CDKAL1: variants seen among roughly 807,000 people sequenced by gnomAD.
CDKAL1 encodes the protein CDKAL1 threonylcarbamoyladenosine tRNA methylthiotransferase.
CDKAL1 carries 32 observed loss-of-function variants against 68.2 expected under a neutral mutation model. The ratio of observed to expected loss-of-function variants is 0.47; its 90% confidence interval spans 0.35 to 0.63. CDKAL1 has a LOEUF of 0.63. CDKAL1 is among the 30% of genes least tolerant of loss of function. The pLI is 0.00. For synonymous variants in CDKAL1, 234 were observed against 244.3 expected, an observed-to-expected ratio of 0.96 and a Z score of 0.39; for missense variants, 606 against 696.7, an observed-to-expected ratio of 0.87 and a Z score of 1.47.
chr6:21,036,897 G>C (rs1218836265), intron 11 of CDKAL1, among the ~76,000 whole-genome samples: 2 of 152,194 alleles, frequency 1.3e-5, no homozygotes, highest in Non-Finnish European at 2.9e-5. Flanking sequence ...GACTGTTGGT[G>C]TTGGTCCTGA....
intron 4 of CDKAL1, among the ~76,000 whole-genome samples, chr6:20,602,581 T>C (rs1360620626): frequency 6.6e-6 from 1 of 152,224 alleles, no homozygotes; most frequent in African/African-American, 2.4e-5. Context: ...GAAAATGGCA[T>C]AATTATAGTC....
chr6:21,093,531 C>G (rs1773152353), intron 12 of CDKAL1, among the ~76,000 whole-genome samples: 1 of 151,962 alleles, frequency 6.6e-6, no homozygotes, highest in African/African-American at 2.4e-5. Context: ...ACAGATTGAA[C>G]CAGAATGTGC....
chr6:21,120,220 C>T (rs865785362), intron 13 of CDKAL1, among the ~76,000 whole-genome samples: 4 of 152,128 alleles, frequency 2.6e-5, no homozygotes, highest in African/African-American at 9.7e-5. Context: ...CCCGTCTCCC[C>T]GAAGACCTTG....
intron 4 of CDKAL1, among the ~76,000 whole-genome samples, chr6:20,589,421 A>T (rs1765502923): frequency 6.6e-6 from 1 of 152,220 alleles, no homozygotes; most frequent in South Asian, 2.1e-4. Context: ...TTTAGATGCA[A>T]TCGCTAGTCT....
chr6:20,855,340 A>G (rs1208667526), intron 9 of CDKAL1, among the ~76,000 whole-genome samples: 3 of 145,310 alleles, frequency 2.1e-5, no homozygotes, highest in African/African-American at 5.0e-5. Flanking sequence ...CTACTTGGGA[A>G]GCTGAGGCAG....
chr6:21,088,973 T>C (rs969638171), intron 12 of CDKAL1, among the ~76,000 whole-genome samples: 45 of 152,212 alleles, frequency 3.0e-4, no homozygotes, highest in African/African-American at 9.9e-4. Context: ...TAGTATGATA[T>C]AGACAATGTT....
chr6:20,661,986 T>G (rs35456723), intron 5 of CDKAL1, among the ~76,000 whole-genome samples: 3 of 151,940 alleles, frequency 2.0e-5, no homozygotes, highest in African/African-American at 7.3e-5. Flanking sequence ...AAAATCAACA[T>G]GATCTAAGTC....
At chr6:20,645,729 CAAATAAAT>C (rs200494660) in intron 4 of CDKAL1, among the ~76,000 whole-genome samples, 8 of 148,768 alleles carry the variant, frequency 5.4e-5, no homozygotes, top group East Asian at 2.0e-4. Context: ...GACTCTGTCT[CAAATAAAT>C]AAATAAATAA....
intron 7 of CDKAL1, among the ~76,000 whole-genome samples, chr6:20,766,786 T>G (rs1774722494): frequency 6.6e-6 from 1 of 152,156 alleles, no homozygotes; most frequent in Admixed American, 6.6e-5. Context: ...ATTCCCAGGG[T>G]TCTCGTTTCT....
chr6:20,620,738 A>G (rs1291179367), intron 4 of CDKAL1, among the ~76,000 whole-genome samples: 1 of 150,936 alleles, frequency 6.6e-6, no homozygotes, highest in East Asian at 1.9e-4. Flanking sequence ...TAATAGGTGC[A>G]TTTTTTTCTG....
intron 2 of CDKAL1, among the ~76,000 whole-genome samples, chr6:20,537,221 A>G (rs2328525): frequency 0.25 from 37,602 of 152,004 alleles, 5,607 homozygotes; most frequent in East Asian, 0.53. Flanking sequence ...AGGGATCTAT[A>G]GTGGAATTAC....
At chr6:20,875,436 C>A (rs975034252) in intron 9 of CDKAL1, among the ~76,000 whole-genome samples, 1 of 151,066 alleles carries the variant, frequency 6.6e-6, no homozygotes, top group Admixed American at 6.6e-5. Flanking sequence ...TCTTTGTAGA[C>A]CTTTGAATTG....
At position 20,652,572 on chromosome 6, in the gene CDKAL1, T is replaced by C. The variant is rs920262043; in HGVS notation, c.371+3195T>C. Among the ~76,000 whole-genome samples the C allele has an allele frequency of 3.7e-4, 57 of 152,350 alleles. 1 individual carries two copies. The highest frequency in any genetic ancestry group is 1.0e-3 in the African/African-American group (42 of 41,586). On this transcript the variant is annotated intron_variant, in intron 5 of 15. Coordinates refer to ENST00000274695, the MANE Select transcript of CDKAL1 (RefSeq NM_017774.3). The stretch of plus-strand genomic sequence containing the variant: ...CTCCAACTCCCCTGGAACCTTTTCA[T>C]TGGTATTTAAACATACCTGGGTCTA...
chr6:20,946,212 C>T (rs1764228632), intron 9 of CDKAL1, among the ~76,000 whole-genome samples: 1 of 152,186 alleles, frequency 6.6e-6, no homozygotes, highest in Non-Finnish European at 1.5e-5. Flanking sequence ...ACAATTCTTT[C>T]TCACCACGAA....
intron 9 of CDKAL1, among the ~76,000 whole-genome samples, chr6:20,887,501 C>A (rs1172165466): frequency 6.6e-6 from 1 of 151,176 alleles, no homozygotes; most frequent in Non-Finnish European, 1.5e-5. Flanking sequence ...AACGAACTAC[C>A]AATTTAAGCA....
At chr6:20,873,543 A>G (rs971864329) in intron 9 of CDKAL1, among the ~76,000 whole-genome samples, 14 of 152,160 alleles carry the variant, frequency 9.2e-5, no homozygotes, top group African/African-American at 3.4e-4. Flanking sequence ...AAGTTAAACA[A>G]TTTCCTCAAA....
At chr6:20,673,318 T>C (rs1408608432) in intron 5 of CDKAL1, among the ~76,000 whole-genome samples, 1 of 152,230 alleles carries the variant, frequency 6.6e-6, no homozygotes, top group Non-Finnish European at 1.5e-5. Context: ...GTGCCTGATA[T>C]TAAATGGGCG....
intron 13 of CDKAL1, among the ~76,000 whole-genome samples, chr6:21,193,445 T>C (rs113861193): frequency 1.6e-4 from 24 of 152,154 alleles, no homozygotes; most frequent in African/African-American, 5.8e-4. Flanking sequence ...AACTTCACAA[T>C]TGAAAGATCT....
chr6:20,826,461 G>A (rs1581654259), intron 8 of CDKAL1, among the ~76,000 whole-genome samples: 1 of 152,162 alleles, frequency 6.6e-6, no homozygotes, highest in African/African-American at 2.4e-5. Flanking sequence ...AGAAGGTCAA[G>A]TTTAGAACTC....
Sources: gnomAD v4.1 joint callset for allele counts (sites outside exome capture counted in the v4.1 genomes callset) on GRCh38, gnomAD v4.1.1 for gene constraint, MANE v1.5 for transcripts, NCBI Gene and HGNC (gene_info 2026-07-23, HGNC 2026-07-21) for gene names.